ANXA8: variants seen among roughly 807,000 people sequenced by gnomAD.
The protein encoded by ANXA8 is VAC-beta.
ANXA8 carries 9 observed loss-of-function variants against 26.8 expected under a neutral mutation model. That is an observed-to-expected ratio of 0.34 (90% CI 0.20 to 0.59). The LOEUF is 0.59. Ranked by LOEUF, ANXA8 falls within the 20% of genes least tolerant of loss-of-function variation. ANXA8 has a pLI of 0.84. For synonymous variants in ANXA8, 39 were observed against 94.8 expected, an observed-to-expected ratio of 0.41 and a Z score of 3.42; for missense variants, 83 against 238.5, an observed-to-expected ratio of 0.35 and a Z score of 4.29.
chr10:47,570,932 G>C, the ANXA8 span, among the ~76,000 whole-genome samples: 1 of 150,074 alleles, frequency 6.7e-6, no homozygotes, highest in South Asian at 2.1e-4. Context: ...AAGGCATTTG[G>C]GCCTTTGACG....
chr10:47,525,866 G>A, the ANXA8 span, among the ~76,000 whole-genome samples: 12 of 123,488 alleles, frequency 9.7e-5, 1 homozygote, highest in African/African-American at 3.5e-4. Flanking sequence ...CTGCAATGGC[G>A]TGATCTTGGC....
the ANXA8 span, among the ~76,000 whole-genome samples, chr10:47,696,211 G>T: frequency 3.3e-5 from 5 of 151,776 alleles, no homozygotes; most frequent in African/African-American, 4.8e-5. Flanking sequence ...AAGCAATTTT[G>T]TTAATTTACC....
chr10:47,730,597 A>T, the ANXA8 span, among the ~76,000 whole-genome samples: 756 of 151,048 alleles, frequency 5.0e-3, no homozygotes, highest in Non-Finnish European at 5.7e-3. Flanking sequence ...TTTCTAAGAA[A>T]ATCCTGTGAG....
the ANXA8 span, among the ~76,000 whole-genome samples, chr10:47,546,563 C>T: frequency 7.3e-5 from 10 of 136,834 alleles, 1 homozygote; most frequent in African/African-American, 2.7e-4. Context: ...CCACCACACC[C>T]GGCTAGTTTT....
chr10:47,485,664 CT>C (rs1281185766), upstream of ANXA8, among the ~76,000 whole-genome samples: 3 of 151,924 alleles, frequency 2.0e-5, no homozygotes, highest in African/African-American at 7.3e-5. Context: ...AATTACTTCT[CT>C]TTTTTTTAAT....
the ANXA8 span, among the ~76,000 whole-genome samples, chr10:47,705,999 G>T: frequency 2.0e-5 from 3 of 150,928 alleles, no homozygotes; most frequent in African/African-American, 7.3e-5. Context: ...ACGTGGGCGT[G>T]TTGTGGGGGG....
the ANXA8 span, among the ~76,000 whole-genome samples, chr10:47,733,161 C>CTT: frequency 2.1e-5 from 2 of 96,902 alleles, no homozygotes; most frequent in East Asian, 3.8e-4. Context: ...TTCTTTCTTT[C>CTT]TTTCTTTCTT....
At chr10:47,585,554 C>A in the ANXA8 span, among the ~76,000 whole-genome samples, 1 of 144,696 alleles carries the variant, frequency 6.9e-6, no homozygotes, top group Non-Finnish European at 1.5e-5. Context: ...GACAATGAGA[C>A]CAAGACAGGA....
At chr10:47,551,201 C>T in the ANXA8 span, among the ~76,000 whole-genome samples, 11 of 151,630 alleles carry the variant, frequency 7.3e-5, no homozygotes, top group Non-Finnish European at 1.3e-4. Flanking sequence ...AGAGCAGAGG[C>T]TCTGGAGTTA....
the ANXA8 span, among the ~76,000 whole-genome samples, chr10:47,580,841 G>A: frequency 1.1e-3 from 158 of 149,990 alleles, 7 homozygotes; most frequent in African/African-American, 3.8e-3. Context: ...TTAGGAGGCC[G>A]ACGCAGGTGG....
chr10:47,667,106 T>G, the ANXA8 span, among the ~76,000 whole-genome samples: 1 of 152,046 alleles, frequency 6.6e-6, no homozygotes, highest in Non-Finnish European at 1.5e-5. Flanking sequence ...TTTCTCATAG[T>G]GCCCAGCAAT....
chr10:47,492,225 G>A, the ANXA8 span, among the ~76,000 whole-genome samples: 1 of 150,532 alleles, frequency 6.6e-6, no homozygotes, highest in Non-Finnish European at 1.5e-5. Context: ...GCAGTTTGCG[G>A]CCTCCATGGG....
the ANXA8 span, among the ~76,000 whole-genome samples, chr10:47,645,353 C>T: frequency 6.8e-6 from 1 of 147,872 alleles, no homozygotes; most frequent in African/African-American, 2.6e-5. Flanking sequence ...TAGGTAGTAA[C>T]GTATTTGTCG....
the ANXA8 span, among the ~76,000 whole-genome samples, chr10:47,771,057 CG>C: frequency 1.5e-4 from 3 of 20,246 alleles, no homozygotes; most frequent in Admixed American, 1.0e-3. Context: ...GGGTTCTTCC[CG>C]AGGGTCTTGA....
At chr10:47,581,848 G>A in the ANXA8 span, among the ~76,000 whole-genome samples, 86 of 150,630 alleles carry the variant, frequency 5.7e-4, 8 homozygotes, top group African/African-American at 2.0e-3. Context: ...TTTGTGATCC[G>A]CCTGCCTTGG....
chr10:47,948,765 A>G, the ANXA8 span, among the ~76,000 whole-genome samples: 1 of 151,140 alleles, frequency 6.6e-6, no homozygotes, highest in East Asian at 2.0e-4. Context: ...ATGATGCTCA[A>G]TAGATCAAAA....
chr10:47,969,716 T>C, the ANXA8 span, among the ~76,000 whole-genome samples: 2 of 149,382 alleles, frequency 1.3e-5, no homozygotes, highest in African/African-American at 2.4e-5. Context: ...CTTGTGAATC[T>C]TCTTTTTTCT....
At chr10:47,490,280 A>G in the ANXA8 span, 1 of 157,150 alleles carries the variant, frequency 6.4e-6, no homozygotes, top group Non-Finnish European at 1.4e-5. Context: ...TCTTATTCTA[A>G]CTCTACCTTC....
chr10:47,486,696 TC>T (rs1840055685), upstream of ANXA8, among the ~76,000 whole-genome samples: 1 of 139,112 alleles, frequency 7.2e-6, no homozygotes. Flanking sequence ...ATGCCTATAA[TC>T]CCAGCATTTT....
Sources: allele counts gnomAD v4.1 joint callset (sites outside exome capture counted in the v4.1 genomes callset), GRCh38; gene constraint gnomAD v4.1.1; transcripts MANE v1.5; gene names NCBI Gene and HGNC (gene_info 2026-07-23, HGNC 2026-07-21).